KCNA3: variants seen among roughly 807,000 people sequenced by gnomAD.
The protein encoded by KCNA3 is potassium voltage-gated channel subfamily A member 3, also known as RP11-284N8.3.
KCNA3 carries 18 observed loss-of-function variants against 34.3 expected under a neutral mutation model. The ratio of observed to expected loss-of-function variants is 0.52; its 90% confidence interval spans 0.36 to 0.78. The LOEUF is 0.78. Among genes scored for constraint, KCNA3 ranks in the 30% least tolerant of loss-of-function variants. The probability of loss-of-function intolerance (pLI) is 0.00; values close to 1 mark genes in which losing one functional copy is unlikely to be tolerated. For synonymous variants in KCNA3, 324 were observed against 351.7 expected (o/e 0.92, Z 0.88); for missense variants, 587 against 802.5 (o/e 0.73, Z 3.24).
At chr1:110,654,188 T>C in the KCNA3 span, 3 of 152,310 alleles carry the variant, frequency 2.0e-5, no homozygotes, top group African/African-American at 7.2e-5. Context: ...TTTAAATATA[T>C]GGAGAAATTT....
the KCNA3 span, chr1:110,656,968 T>C: frequency 6.6e-6 from 1 of 152,148 alleles, no homozygotes; most frequent in Admixed American, 6.5e-5. Context: ...AAGAATGATA[T>C]ATTTATGATA....
At chr1:110,670,642 A>G (rs2100947613), downstream of KCNA3, among the ~76,000 whole-genome samples, 1 of 152,316 alleles carries the variant, frequency 6.6e-6, no homozygotes, top group African/African-American at 2.4e-5. Flanking sequence ...GTCAAGAGGT[A>G]GATCAATGTC....
At chr1:110,662,150 T>C in the KCNA3 span, among the ~76,000 whole-genome samples, 1 of 146,016 alleles carries the variant, frequency 6.8e-6, no homozygotes, top group South Asian at 2.2e-4. Flanking sequence ...AGAATGTCTA[T>C]ATTAGTGGTT....
At position 110,673,445 on chromosome 1, in the gene KCNA3, T is replaced by C. The variant is rs1651961249; in HGVS notation, c.1365A>G (p.Ile455Met). 1 of 1,614,044 alleles carries C rather than the reference T, an allele frequency of 6.2e-7. No individual in the cohort carries two copies. Among genetic ancestry groups the C allele is most frequent in the Non-Finnish European group, 8.5e-7 (1 of 1,180,000 alleles). ...AGAGAGATCCCACAATCTTGCCCCCTATGGTCACTGGGTGCATATCGCCGT... is the reference window on the plus strand; with the variant it reads ...AGAGAGATCCCACAATCTTGCCCCCCATGGTCACTGGGTGCATATCGCCGT... ...VGYGDMHPVT[I>M]GGKIVGSLCA... The change falls in exon 1 of 1, where the codon ATA becomes ATG. Residue 455 changes from isoleucine to methionine, a missense_variant. Ile to Met is a conservative substitution (Grantham distance 10). Around this residue, in one of 7 missense-constraint regions of KCNA3, gnomAD observed 84 missense variants for 223.1 expected, o/e 0.38. Coordinates refer to ENST00000369769, the MANE Select transcript of KCNA3 (RefSeq NM_002232.5). This position sits in a 1 kb window ranked among gnomAD's most constrained non-coding sequence, Gnocchi z 8.8.
chr1:110,666,481 A>G, the KCNA3 span, among the ~76,000 whole-genome samples: 1 of 152,184 alleles, frequency 6.6e-6, no homozygotes, highest in African/African-American at 2.4e-5. Context: ...AAATATAAGC[A>G]AAGAGGAGGT....
At position 110,673,987 on chromosome 1, in the gene KCNA3, C is replaced by G. The variant is rs758272293; in HGVS notation, c.823G>C (p.Glu275Gln). 3.1e-6 allele frequency: 5 copies of G among 1,613,650 alleles called. No homozygotes were observed. The highest frequency in any genetic ancestry group is 2.7e-5 in the African/African-American group (2 of 74,910). Residue 275 changes from glutamate to glutamine, a missense_variant, in exon 1 of 1, where the codon GAA becomes CAA. Around this residue, in one of 7 missense-constraint regions of KCNA3, gnomAD observed 50 missense variants for 45.3 expected, o/e 1.10. Coordinates refer to ENST00000369769, the MANE Select transcript of KCNA3 (RefSeq NM_002232.5). This position sits in a 1 kb window ranked among gnomAD's most constrained non-coding sequence, Gnocchi z 8.8. ...YPASTSQDSFEAAGNSTSGSR... is the reference protein window; with the variant it reads ...YPASTSQDSFQAAGNSTSGSR... The stretch of plus-strand genomic sequence containing the variant: ...CCCGACGTGCTGTTGCCGGCTGCTT[C>G]GAATGAGTCCTGCGACGTCGAGGCG...
rs376883477 is a variant in KCNA3 at position 110,673,079 on chromosome 1, A to G, written c.*3T>C. 2.2e-5 allele frequency: 36 copies of G among 1,602,956 alleles called. No homozygotes were observed. The highest frequency in any genetic ancestry group is 1.7e-4 in the Middle Eastern group (1 of 6,020). ...GAGCACAGCATGTCACTTGTATCAC[A>G]TATTAAACATCGGTGAATATCTTTT... On this transcript the variant is annotated 3_prime_UTR_variant, in exon 1 of 1. Coordinates refer to ENST00000369769, the MANE Select transcript of KCNA3 (RefSeq NM_002232.5). The surrounding 1 kb of genome is among the most constrained non-coding windows in gnomAD (Gnocchi z 8.8).
At chr1:110,664,698 C>T in the KCNA3 span, among the ~76,000 whole-genome samples, 3 of 152,094 alleles carry the variant, frequency 2.0e-5, no homozygotes, top group Non-Finnish European at 4.4e-5. Flanking sequence ...GCATACTGAG[C>T]AGACAAAACT....
chr1:110,673,870 A>G lies in KCNA3; in HGVS notation c.940T>C (p.Phe314Leu). The G allele has an allele frequency of 6.2e-7, 1 of 1,614,148 alleles. No homozygotes were observed. Among genetic ancestry groups the G allele is most frequent in the African/African-American group, 1.3e-5 (1 of 75,032 alleles). The change falls in exon 1 of 1, where the codon TTC (phenylalanine) becomes CTC (leucine). Residue 314 changes from phenylalanine (F) to leucine (L), a missense_variant. Coordinates refer to ENST00000369769, the MANE Select transcript of KCNA3 (RefSeq NM_002232.5). The surrounding 1 kb of genome is among the most constrained non-coding windows in gnomAD (Gnocchi z 8.8). ...GTGGCTTTGCTAGGACAAGCGAAGAACCGCACCAGCAGTTCGAAGGAGAAC... is the reference window on the plus strand; with the variant it reads ...GTGGCTTTGCTAGGACAAGCGAAGAGCCGCACCAGCAGTTCGAAGGAGAAC... Reference protein sequence around the residue: ...IWFSFELLVRFFACPSKATFS... With the variant: ...IWFSFELLVRLFACPSKATFS...
downstream of KCNA3, among the ~76,000 whole-genome samples, chr1:110,669,884 C>T (rs1287460388): frequency 6.6e-6 from 1 of 152,028 alleles, no homozygotes; most frequent in Non-Finnish European, 1.5e-5. Context: ...TTCATATTCA[C>T]AAAACATTGT....
At chr1:110,662,456 T>G in the KCNA3 span, among the ~76,000 whole-genome samples, 3 of 152,220 alleles carry the variant, frequency 2.0e-5, no homozygotes, top group African/African-American at 7.2e-5. Context: ...GAAGTCATTC[T>G]ATAGCATGTA....
chr1:110,659,573 G>A, the KCNA3 span, among the ~76,000 whole-genome samples: 6 of 152,040 alleles, frequency 3.9e-5, no homozygotes, highest in African/African-American at 1.4e-4. Context: ...TTATATGGGG[G>A]GCTCTTCAGG....
chr1:110,658,139 A>G, the KCNA3 span, among the ~76,000 whole-genome samples: 6 of 152,222 alleles, frequency 3.9e-5, no homozygotes, highest in Non-Finnish European at 5.9e-5. Flanking sequence ...CTTTGCCTCA[A>G]AGAAAGTTAC....
In KCNA3 at chr1:110,672,911, G is replaced by C. The variant is rs1651939595; in HGVS notation, c.*171C>G. On this transcript the variant is annotated 3_prime_UTR_variant, in exon 1 of 1. Coordinates refer to ENST00000369769, the MANE Select transcript of KCNA3 (RefSeq NM_002232.5). ...AGAATGCAGCCCACTTGCAAAACAG[G>C]CACCTGTTTCAGTATGAAGCAGCAG... 3.1e-6 allele frequency: 2 copies of C among 650,656 alleles called. No homozygotes were observed. The highest frequency in any genetic ancestry group is 5.2e-6 in the Non-Finnish European group (2 of 386,004). The allele number at this position is 650,656 out of a possible 1,614,324, so 40.3% of individuals were successfully genotyped here. A position where few individuals can be genotyped will look rare whatever the true frequency, so the allele number is the denominator to read the frequency against.
the KCNA3 span, chr1:110,655,148 A>G: frequency 6.6e-6 from 1 of 151,956 alleles, no homozygotes; most frequent in African/African-American, 2.4e-5. Context: ...ATGTGTATAT[A>G]TATATATTTA....
chr1:110,667,819 G>A (rs969275872), downstream of KCNA3, among the ~76,000 whole-genome samples: 2 of 152,128 alleles, frequency 1.3e-5, no homozygotes, highest in Non-Finnish European at 2.9e-5. Context: ...ACATCTGAAA[G>A]TTTTCTAACC....
downstream of KCNA3, among the ~76,000 whole-genome samples, chr1:110,670,139 C>G (rs551404098): frequency 6.6e-6 from 1 of 152,252 alleles, no homozygotes; most frequent in East Asian, 1.9e-4. Flanking sequence ...GGAAATATGA[C>G]TGCAGAGCTT....
the KCNA3 span, among the ~76,000 whole-genome samples, chr1:110,662,380 G>T: frequency 6.7e-6 from 1 of 148,362 alleles, no homozygotes; most frequent in African/African-American, 2.5e-5. Context: ...CTAAATGAAA[G>T]AAGTACAGAA....
the KCNA3 span, chr1:110,654,835 G>T: frequency 6.6e-6 from 1 of 152,048 alleles, no homozygotes; most frequent in South Asian, 2.1e-4. Context: ...CCATTTATTG[G>T]CCATATTATC....
Sources: allele counts gnomAD v4.1 joint callset (sites outside exome capture counted in the v4.1 genomes callset), GRCh38; gene constraint gnomAD v4.1.1; regional missense constraint gnomAD v4.1.1; non-coding constraint Gnocchi (gnomAD v3.1); transcripts MANE v1.5; gene names NCBI Gene and HGNC (gene_info 2026-07-23, HGNC 2026-07-21).